Variants in KLHL1 observed in about 807,000 individuals in gnomAD.
The protein encoded by KLHL1 is kelch-like protein 1.
A neutral mutation model predicts 77.7 loss-of-function variants in KLHL1; 47 were observed. That is an observed-to-expected ratio of 0.60 (90% confidence interval 0.48 to 0.77). The LOEUF (loss-of-function observed/expected upper bound fraction) is 0.77, where lower values mean the gene tolerates loss of function less well. Ranked by LOEUF, KLHL1 falls within the 30% of genes least tolerant of loss-of-function variation. The pLI is 0.00. For synonymous variants in KLHL1, 360 were observed against 325.2 expected (o/e 1.11, Z -1.15); for missense variants, 925 against 910.8 (o/e 1.02, Z -0.20).
intron 6 of KLHL1, among the ~76,000 whole-genome samples, chr13:69,800,336 G>C (rs73212509): frequency 0.34 from 52,117 of 151,992 alleles, 9,120 homozygotes; most frequent in South Asian, 0.36. Flanking sequence ...ACAGGTTCCA[G>C]GGTTTAGGAT....
intron 5 of KLHL1, among the ~76,000 whole-genome samples, chr13:69,855,671 GCTTCCC>G (rs1393696051): frequency 6.6e-6 from 1 of 151,412 alleles, no homozygotes; most frequent in Non-Finnish European, 1.5e-5. Flanking sequence ...GAAGGTCCCT[GCTTCCC>G]CTTCCCCTTC....
intron 1 of KLHL1, among the ~76,000 whole-genome samples, chr13:70,013,210 G>C (rs1566498188): frequency 6.6e-6 from 1 of 151,938 alleles, no homozygotes; most frequent in Non-Finnish European, 1.5e-5. Context: ...AAAAGTAAAG[G>C]ACACTTCAAA....
chr13:69,992,879 T>C (rs1207241211), intron 1 of KLHL1, among the ~76,000 whole-genome samples: 1 of 151,846 alleles, frequency 6.6e-6, no homozygotes, highest in South Asian at 2.1e-4. Flanking sequence ...TATGAGATAA[T>C]GTTTTTCCTT....
chr13:69,778,141 G>A (rs1436712782), intron 7 of KLHL1, among the ~76,000 whole-genome samples: 3 of 152,172 alleles, frequency 2.0e-5, no homozygotes, highest in East Asian at 1.9e-4. Flanking sequence ...CCAAGGATGA[G>A]GTTGCTATAA....
At position 70,107,412 on chromosome 13, in the gene KLHL1, C is replaced by A; in HGVS notation, c.288G>T (p.Leu96=). 1 of 1,612,814 alleles carries A rather than the reference C, an allele frequency of 6.2e-7. No homozygotes were observed. Among genetic ancestry groups the A allele is most frequent in the Non-Finnish European group, 8.5e-7 (1 of 1,180,006 alleles). ...GCTGCAGCCTCGTGGCAACTGGAAG[C>A]AGGGTGCCATTCAGCGGATTGAAGG... is the stretch of plus-strand genomic sequence containing the variant. ...SSSFNPLNGT[L]LPVATRLQQG... is the part of the protein sequence containing the mutation. The change falls in exon 1 of 11, where the codon CTG becomes CTT. Residue 96 remains leucine (L), a synonymous_variant. Coordinates refer to ENST00000377844, the MANE Select transcript of KLHL1 (RefSeq NM_020866.3).
intron 2 of KLHL1, among the ~76,000 whole-genome samples, chr13:69,963,766 TC>T (rs1327043961): frequency 6.6e-6 from 1 of 151,758 alleles, no homozygotes; most frequent in African/African-American, 2.4e-5. Flanking sequence ...ACTGCCTTTT[TC>T]ACAATTTTTG....
intron 4 of KLHL1, among the ~76,000 whole-genome samples, chr13:69,896,028 C>G: frequency 6.6e-6 from 1 of 151,980 alleles, no homozygotes; most frequent in Non-Finnish European, 1.5e-5. Flanking sequence ...TGTTTTCAAG[C>G]TCATTCACAT....
At chr13:70,067,836 C>T (rs1274584868) in intron 1 of KLHL1, among the ~76,000 whole-genome samples, 1 of 152,010 alleles carries the variant, frequency 6.6e-6, no homozygotes, top group East Asian at 1.9e-4. Flanking sequence ...AACCATTGAT[C>T]CAATAATATG....
At chr13:70,065,770 G>C (rs1886993397) in intron 1 of KLHL1, among the ~76,000 whole-genome samples, 1 of 151,974 alleles carries the variant, frequency 6.6e-6, no homozygotes, top group Non-Finnish European at 1.5e-5. Flanking sequence ...CAGTGCCTTT[G>C]TTCAATGACA....
In KLHL1 at chr13:69,721,284, C is replaced by A. The variant is rs574157855; in HGVS notation, c.1803-1703G>T. On this transcript the variant is annotated intron_variant, in intron 8 of 10. Coordinates refer to ENST00000377844, the MANE Select transcript of KLHL1 (RefSeq NM_020866.3). ...CCCCTCCCCATTTCGATTTGTTCCA[C>A]CTTTCCGGAAGGAACCAATGTATAT... Among the ~76,000 whole-genome samples the A allele has an allele frequency of 6.7e-5, 10 of 148,676 alleles. No individual in the cohort carries two copies. The East Asian group carries it at 2.1e-3, about 31-fold the overall frequency.
intron 5 of KLHL1, among the ~76,000 whole-genome samples, chr13:69,859,081 T>C (rs1179387579): frequency 3.3e-5 from 5 of 152,054 alleles, no homozygotes; most frequent in Admixed American, 3.3e-4. Context: ...AAGCACTGTA[T>C]AAAACTTGCA....
At chr13:69,879,987 C>A (rs984010854) in intron 5 of KLHL1, among the ~76,000 whole-genome samples, 54 of 152,140 alleles carry the variant, frequency 3.5e-4, no homozygotes, top group Non-Finnish European at 8.8e-5. Context: ...GTTCTTCCAT[C>A]TTCAGTGTCT....
chr13:69,710,802 G>T (rs9542036), intron 9 of KLHL1, among the ~76,000 whole-genome samples: 145,675 of 152,066 alleles, frequency 0.96, 69,832 homozygotes, highest in East Asian at 1. Context: ...TGCCAGGTTT[G>T]TTTGTTTGTT....
chr13:69,981,986 A>T (rs1444380973), intron 1 of KLHL1, among the ~76,000 whole-genome samples: 9 of 151,976 alleles, frequency 5.9e-5, no homozygotes, highest in Non-Finnish European at 1.0e-4. Flanking sequence ...TAGTGACATA[A>T]AAAGTTTTAA....
chr13:69,790,538 T>C (rs1876821020), intron 7 of KLHL1, among the ~76,000 whole-genome samples: 1 of 152,058 alleles, frequency 6.6e-6, no homozygotes, highest in Non-Finnish European at 1.5e-5. Context: ...TGTGAAATCT[T>C]CCACAAAATA....
intron 5 of KLHL1, among the ~76,000 whole-genome samples, chr13:69,844,855 A>G (rs1879394446): frequency 6.6e-6 from 1 of 151,606 alleles, no homozygotes; most frequent in African/African-American, 2.4e-5. Context: ...GTACAAAAGA[A>G]ATTTCTGTTT....
intron 7 of KLHL1, among the ~76,000 whole-genome samples, chr13:69,783,378 A>G (rs563657240): frequency 2.2e-4 from 33 of 152,282 alleles, no homozygotes; most frequent in African/African-American, 7.5e-4. Context: ...AACTACTCTG[A>G]GCTACAGGAG....
chr13:70,105,997 T>C (rs1357713656), intron 1 of KLHL1, among the ~76,000 whole-genome samples: 1 of 150,644 alleles, frequency 6.6e-6, no homozygotes, highest in South Asian at 2.1e-4. Context: ...ATATATATAA[T>C]GTATATAATT....
At chr13:69,776,657 A>G (rs1875841271) in intron 7 of KLHL1, among the ~76,000 whole-genome samples, 1 of 152,218 alleles carries the variant, frequency 6.6e-6, no homozygotes, top group African/African-American at 2.4e-5. Flanking sequence ...TGGAATATTT[A>G]CATGCCCATG....
Sources: allele counts gnomAD v4.1 joint callset (sites outside exome capture counted in the v4.1 genomes callset), GRCh38; gene constraint gnomAD v4.1.1; transcripts MANE v1.5; gene names NCBI Gene and HGNC (gene_info 2026-07-23, HGNC 2026-07-21).